Variants in ZSWIM5 observed in about 807,000 individuals in gnomAD.
ZSWIM5 encodes the protein zinc finger SWIM-type containing 5.
Under a neutral mutation model 119.6 loss-of-function variants are expected in ZSWIM5, and 55 were observed. That is an observed-to-expected ratio of 0.46 (90% CI 0.37 to 0.58). The LOEUF is 0.58. Among genes scored for constraint, ZSWIM5 ranks in the 20% least tolerant of loss-of-function variants. The pLI is 0.00. For synonymous variants in ZSWIM5, 537 were observed against 606.9 expected (o/e 0.88, Z 1.69); for missense variants, 1,193 against 1,512.8 (o/e 0.79, Z 3.51).
intron 11 of ZSWIM5, among the ~76,000 whole-genome samples, chr1:45,026,848 C>T (rs994868231): frequency 2.0e-5 from 3 of 152,112 alleles, no homozygotes; most frequent in Middle Eastern, 3.4e-3. Flanking sequence ...CTGAGCCTGG[C>T]GCTTTCTGTT....
intron 2 of ZSWIM5, 33 bp downstream of exon 2, chr1:45,087,848 C>A (rs759885788): frequency 6.6e-7 from 1 of 1,506,394 alleles, no homozygotes; most frequent in Non-Finnish European, 9.0e-7. Context: ...ATGAAAAAGA[C>A]CTTTTTTTTC....
chr1:45,058,299 G>A (rs1270382881), intron 4 of ZSWIM5, among the ~76,000 whole-genome samples: 2 of 152,216 alleles, frequency 1.3e-5, no homozygotes, highest in Non-Finnish European at 2.9e-5. Context: ...ACAAAAGTGA[G>A]GCTGATAAGT....
At chr1:45,041,180 A>G (rs1452378960) in intron 6 of ZSWIM5, among the ~76,000 whole-genome samples, 2 of 152,246 alleles carry the variant, frequency 1.3e-5, no homozygotes, top group African/African-American at 2.4e-5. Context: ...AAATTATTCA[A>G]TATATTAATA....
chr1:45,061,769 G>A (rs1400891602), intron 2 of ZSWIM5, among the ~76,000 whole-genome samples: 3 of 147,018 alleles, frequency 2.0e-5, no homozygotes, highest in African/African-American at 7.6e-5. Context: ...TGGTAAGAAT[G>A]TTAAAAATCT....
chr1:45,179,009 T>C (rs1406438944), intron 1 of ZSWIM5, among the ~76,000 whole-genome samples: 2 of 152,102 alleles, frequency 1.3e-5, no homozygotes, highest in Non-Finnish European at 2.9e-5. Flanking sequence ...TCTATCTATA[T>C]ACACTAGCAA....
At chr1:45,031,057 CACAGTGCTGGGATT>C (rs1474982934) in intron 11 of ZSWIM5, among the ~76,000 whole-genome samples, 2 of 152,040 alleles carry the variant, frequency 1.3e-5, no homozygotes, top group Non-Finnish European at 1.5e-5. Flanking sequence ...CCTCGGCTCC[CACAGTGCTGGGATT>C]ACAGGCGTGA....
intron 1 of ZSWIM5, among the ~76,000 whole-genome samples, chr1:45,142,353 T>G (rs769344452): frequency 6.6e-6 from 1 of 152,126 alleles, no homozygotes; most frequent in African/African-American, 2.4e-5. Context: ...AGTCTTTTTG[T>G]TTTTTGTTGT....
At chr1:45,102,901 C>A (rs550506365) in intron 1 of ZSWIM5, among the ~76,000 whole-genome samples, 2 of 151,960 alleles carry the variant, frequency 1.3e-5, no homozygotes, top group Non-Finnish European at 2.9e-5. Context: ...CTTGCTTTGT[C>A]GCCTAGGCTG....
intron 1 of ZSWIM5, among the ~76,000 whole-genome samples, chr1:45,155,762 C>CT (rs1645823405): frequency 6.6e-6 from 1 of 152,154 alleles, no homozygotes; most frequent in South Asian, 2.1e-4. Flanking sequence ...CACTAGTATT[C>CT]TAACCGAATT....
At chr1:45,174,069 A>G (rs1226748) in intron 1 of ZSWIM5, among the ~76,000 whole-genome samples, 23,752 of 151,848 alleles carry the variant, frequency 0.16, 1,985 homozygotes, top group African/African-American at 0.18. Flanking sequence ...GAGGTCAGGA[A>G]TTTGAGACCA....
chr1:45,171,298 T>A (rs886693325), intron 1 of ZSWIM5, among the ~76,000 whole-genome samples: 1 of 152,114 alleles, frequency 6.6e-6, no homozygotes, highest in Non-Finnish European at 1.5e-5. Flanking sequence ...TACATTCCTC[T>A]GTTGTCTTTT....
At chr1:45,082,847 T>C (rs902674315) in intron 2 of ZSWIM5, among the ~76,000 whole-genome samples, 2 of 152,054 alleles carry the variant, frequency 1.3e-5, no homozygotes, top group Non-Finnish European at 2.9e-5. Flanking sequence ...GGGAAGAGGG[T>C]TGTTTTGGTG....
intron 1 of ZSWIM5, among the ~76,000 whole-genome samples, chr1:45,159,916 A>C (rs1278907946): frequency 6.6e-6 from 1 of 152,160 alleles, no homozygotes; most frequent in African/African-American, 2.4e-5. Context: ...ACTAAAAATC[A>C]CTGATAGAAA....
At chr1:45,109,305 A>G (rs1406109269) in intron 1 of ZSWIM5, among the ~76,000 whole-genome samples, 3 of 152,212 alleles carry the variant, frequency 2.0e-5, no homozygotes, top group Non-Finnish European at 4.4e-5. Flanking sequence ...CTTCATAGGA[A>G]AAACCTCTAG....
At chr1:45,183,274 T>TAAATGCCCACA (rs1224313106) in intron 1 of ZSWIM5, among the ~76,000 whole-genome samples, 2 of 150,442 alleles carry the variant, frequency 1.3e-5, no homozygotes, top group African/African-American at 4.9e-5. Flanking sequence ...TTTATAGCAC[T>TAAATGCCCACA]AAATGCCCAC....
intron 1 of ZSWIM5, among the ~76,000 whole-genome samples, chr1:45,139,477 T>C (rs1190376985): frequency 7.2e-6 from 1 of 139,026 alleles, no homozygotes; most frequent in African/African-American, 2.7e-5. Context: ...TCTCTCTCTT[T>C]TTTTTTTTTT....
intron 6 of ZSWIM5, among the ~76,000 whole-genome samples, chr1:45,041,746 C>G (rs150080554): frequency 6.6e-6 from 1 of 152,138 alleles, no homozygotes; most frequent in Admixed American, 6.6e-5. Flanking sequence ...CCATGTTGGC[C>G]AGGCTGGTCT....
At chr1:45,161,159 G>T (rs1296693737) in intron 1 of ZSWIM5, among the ~76,000 whole-genome samples, 1 of 151,866 alleles carries the variant, frequency 6.6e-6, no homozygotes, top group African/African-American at 2.4e-5. Context: ...TTGTCTGTAG[G>T]TGGACACTTG....
At chr1:45,131,724 CA>C (rs11336099) in intron 1 of ZSWIM5, among the ~76,000 whole-genome samples, 23,010 of 74,380 alleles carry the variant, frequency 0.31, 1,114 homozygotes, top group African/African-American at 0.33. Flanking sequence ...GACTCTGTCT[CA>C]AAAAAAAAAA....
Sources: gnomAD v4.1 joint callset for allele counts (sites outside exome capture counted in the v4.1 genomes callset) on GRCh38, gnomAD v4.1.1 for gene constraint, MANE v1.5 for transcripts, NCBI Gene and HGNC (gene_info 2026-07-23, HGNC 2026-07-21) for gene names.